NFX1: variants seen among roughly 807,000 people sequenced by gnomAD.
The protein encoded by NFX1 is nuclear transcription factor, X-box binding 1, also known as transcriptional repressor NF-X1.
Under a neutral mutation model 137.2 loss-of-function variants are expected in NFX1, and 69 were observed. The observed-to-expected ratio is 0.50, with a 90% CI of 0.41 to 0.61. The LOEUF (loss-of-function observed/expected upper bound fraction) is 0.61, where lower values mean the gene tolerates loss of function less well. Among genes scored for constraint, NFX1 ranks in the 20% least tolerant of loss-of-function variants. The probability of loss-of-function intolerance (pLI) is 0.00; values close to 1 mark genes in which losing one functional copy is unlikely to be tolerated. For missense variants in NFX1, 1,167 were observed against 1,391.0 expected (o/e 0.84, Z 2.56); for synonymous variants, 495 against 474.1 (o/e 1.04, Z -0.57).
In NFX1 at chr9:33,318,719, T is replaced by G. The variant is rs1240045212; in HGVS notation, c.1589-12T>G. 6.2e-7 allele frequency: 1 copy of G among 1,612,864 alleles called. No individual in the cohort carries two copies. The highest frequency in any genetic ancestry group is 1.1e-5 in the South Asian group (1 of 90,900). On this transcript the variant is annotated splice_polypyrimidine_tract_variant and intron_variant, in intron 7 of 23. Coordinates refer to ENST00000379540, the MANE Select transcript of NFX1 (RefSeq NM_002504.6). Reference sequence around the variant, plus strand: ...GTTACTAACGTTTTGTTTTTGAAATTTTCTCTTCAAGTATGCTATTGCGGC... The same window carrying G: ...GTTACTAACGTTTTGTTTTTGAAATGTTCTCTTCAAGTATGCTATTGCGGC...
chr9:33,330,902 G>C (rs1564125910), intron 10 of NFX1, among the ~76,000 whole-genome samples: 1 of 152,190 alleles, frequency 6.6e-6, no homozygotes, highest in Admixed American at 6.5e-5. Context: ...TAATTGGCTG[G>C]GTGTGGTGGC....
At chr9:33,357,833 C>G (rs1587875968) in intron 19 of NFX1, among the ~76,000 whole-genome samples, 1 of 151,616 alleles carries the variant, frequency 6.6e-6, no homozygotes, top group East Asian at 1.9e-4. Flanking sequence ...GCATGAGTTA[C>G]TGCACCCAGC....
chr9:33,354,143 G>A lies in NFX1; in HGVS notation c.2787G>A (p.Val929=), dbSNP rs776370370. The change falls in exon 18 of 24, where the codon GTG becomes GTA. Residue 929 remains valine (V), a synonymous_variant. Transcript: ENST00000379540. ...KITDMQLGGS[V]EISKLITKKE... is the part of the protein sequence containing the mutation. ...CAGACATGCAGCTTGGAGGTTCAGT[G>A]GAGATCAGCAAGTTAATTACCAAAA... is the stretch of plus-strand genomic sequence containing the variant. 1 of 1,613,528 alleles carries A rather than the reference G, an allele frequency of 6.2e-7. No homozygotes were observed. Among genetic ancestry groups the A allele is most frequent in the Admixed American group, 1.7e-5 (1 of 59,936 alleles).
intron 10 of NFX1, among the ~76,000 whole-genome samples, chr9:33,330,919 C>T (rs1311923563): frequency 1.3e-5 from 2 of 152,130 alleles, no homozygotes; most frequent in Admixed American, 6.6e-5. Flanking sequence ...TGGCTCACGC[C>T]TGTAATCCCA....
At chr9:33,356,833 A>G (rs1194587171) in intron 19 of NFX1, among the ~76,000 whole-genome samples, 4 of 152,128 alleles carry the variant, frequency 2.6e-5, no homozygotes, top group Non-Finnish European at 1.5e-5. Flanking sequence ...TACAAAAAAT[A>G]AAATAAAATT....
At chr9:33,340,138 C>G (rs1823165415) in intron 12 of NFX1, among the ~76,000 whole-genome samples, 1 of 152,266 alleles carries the variant, frequency 6.6e-6, no homozygotes. Flanking sequence ...CATTTCCCTT[C>G]TGTACTGCCC....
intron 19 of NFX1, among the ~76,000 whole-genome samples, chr9:33,361,467 G>T (rs1384014024): frequency 3.3e-5 from 5 of 151,842 alleles, no homozygotes; most frequent in South Asian, 4.2e-4. Context: ...TATAATAATG[G>T]CGGTACTTAA....
chr9:33,307,924 C>T (rs1216890675), intron 5 of NFX1, among the ~76,000 whole-genome samples: 1 of 151,748 alleles, frequency 6.6e-6, no homozygotes, highest in African/African-American at 2.4e-5. Context: ...CCACCTCATC[C>T]TCCTGAGTAG....
intron 1 of NFX1, among the ~76,000 whole-genome samples, chr9:33,291,229 T>G (rs73645268): frequency 6.6e-6 from 1 of 152,314 alleles, no homozygotes; most frequent in African/African-American, 2.4e-5. Context: ...CTCAGGGTGT[T>G]CCATAGATCA....
intron 16 of NFX1, chr9:33,352,413 T>A (rs1166211064): frequency 1.6e-6 from 1 of 631,500 alleles, no homozygotes; most frequent in Non-Finnish European, 2.9e-6. Flanking sequence ...TCAGCCAGGA[T>A]TAAGAACAGA....
intron 12 of NFX1, among the ~76,000 whole-genome samples, chr9:33,339,044 A>G (rs1823119941): frequency 6.6e-6 from 1 of 152,146 alleles, no homozygotes. Flanking sequence ...TATTTAAAAT[A>G]TTTGCTTTTA....
At chr9:33,323,569 A>T (rs773981565) in intron 9 of NFX1, among the ~76,000 whole-genome samples, 3 of 151,928 alleles carry the variant, frequency 2.0e-5, no homozygotes, top group Non-Finnish European at 4.4e-5. Flanking sequence ...CCTGGCCGAC[A>T]TGGTGAAACC....
In NFX1 at chr9:33,293,962, T is replaced by G. The variant is rs201910807; in HGVS notation, c.26-458T>G. On this transcript the variant is annotated intron_variant, in intron 1 of 23. Transcript: ENST00000379540. Reference sequence around the variant, plus strand: ...GCTAAAAGCAGGCACGTGATATCCCTAAGTTCATACAATAAGTTGGACAGG... The same window carrying G: ...GCTAAAAGCAGGCACGTGATATCCCGAAGTTCATACAATAAGTTGGACAGG... Among the ~76,000 whole-genome samples, 11 of 152,360 alleles carry G rather than the reference T, an allele frequency of 7.2e-5. No individual in the cohort carries two copies. The East Asian group carries it at 1.7e-3, about 24-fold the overall frequency.
intron 12 of NFX1, among the ~76,000 whole-genome samples, chr9:33,340,054 G>T (rs1400707376): frequency 1.3e-5 from 2 of 152,228 alleles, no homozygotes; most frequent in African/African-American, 2.4e-5. Flanking sequence ...GGGGTCTGGA[G>T]GACAGTGGCC....
Position 33,295,030 on chromosome 9 carries a change from G to C in NFX1, c.636G>C (p.Gly212=), listed in dbSNP as rs1226003065. ...GACCCGAAAGTACCAAACCTGTGGG[G>C]GTTTTCCACCCTGACTCTTCAGAGG... is the stretch of plus-strand genomic sequence containing the variant. The part of the protein sequence containing the change: ...DAGPESTKPV[G]VFHPDSSEAS... Residue 212 remains glycine (G), a synonymous_variant, in exon 2 of 24, where the codon GGG becomes GGC. Coordinates refer to ENST00000379540, the MANE Select transcript of NFX1 (RefSeq NM_002504.6). 6.2e-7 allele frequency: 1 copy of C among 1,614,144 alleles called. No individual in the cohort carries two copies. Among genetic ancestry groups the C allele is most frequent in the South Asian group, 1.1e-5 (1 of 91,084 alleles).
intron 5 of NFX1, among the ~76,000 whole-genome samples, chr9:33,309,269 A>C (rs1821874554): frequency 6.6e-6 from 1 of 152,034 alleles, no homozygotes; most frequent in Non-Finnish European, 1.5e-5. Flanking sequence ...ATGCAGGAGA[A>C]TGGCGTGAAC....
In NFX1 at chr9:33,361,769, C is replaced by T. The variant is rs182150320; in HGVS notation, c.2874-2241C>T. Among the ~76,000 whole-genome samples, 237 of 149,426 alleles carry T rather than the reference C, an allele frequency of 1.6e-3. 2 individuals are homozygous for T. Among genetic ancestry groups the T allele is most frequent in the Admixed American group, 4.0e-4 (6 of 14,998 alleles). ...GCCTGGGCGACAAGAGCAGCCTGGG[C>T]GACAAGAGCAAGACTCCATCTCCAA... is the stretch of plus-strand genomic sequence containing the variant. On this transcript the variant is annotated intron_variant, in intron 19 of 23. Transcript: ENST00000379540.
In NFX1 at chr9:33,313,818, C is replaced by T. The variant is rs571236873; in HGVS notation, c.1588+25C>T. 1.0e-5 allele frequency: 16 copies of T among 1,603,820 alleles called. No individual in the cohort carries two copies. The South Asian group carries it at 1.7e-4, about 17-fold the overall frequency. On this transcript the variant is annotated intron_variant, in intron 7 of 23. Transcript: ENST00000379540. The stretch of plus-strand genomic sequence containing the variant: ...GGTAAGTGGTGGGCACACCAGCTAG[C>T]AATGCTTGTGTTCTTTTCTGGAACC...
chr9:33,329,643 TC>T (rs1587847230), intron 10 of NFX1, among the ~76,000 whole-genome samples: 3 of 50,604 alleles, frequency 5.9e-5, no homozygotes, highest in East Asian at 1.2e-3. Context: ...TTTTTATTTT[TC>T]TTTTTTTTTT....
Sources: allele counts gnomAD v4.1 joint callset (sites outside exome capture counted in the v4.1 genomes callset), GRCh38; gene constraint gnomAD v4.1.1; transcripts MANE v1.5; gene names NCBI Gene and HGNC (gene_info 2026-07-23, HGNC 2026-07-21).